Variants in HGF observed in about 807,000 individuals in gnomAD.
HGF encodes fibroblast-derived tumor cytotoxic factor.
A neutral mutation model predicts 111.6 loss-of-function variants in HGF; 39 were observed. That is an observed-to-expected ratio of 0.35 (90% confidence interval 0.27 to 0.46). HGF has a LOEUF of 0.46. Among genes scored for constraint, HGF ranks in the 20% least tolerant of loss-of-function variants. The probability of loss-of-function intolerance (pLI) is 1.00; values close to 1 mark genes in which losing one functional copy is unlikely to be tolerated. For synonymous variants in HGF, 285 were observed against 294.8 expected (o/e 0.97, Z 0.34); for missense variants, 735 against 910.5 (o/e 0.81, Z 2.48).
At position 81,701,969 on chromosome 7, in the gene HGF, G is replaced by C. The variant is rs75716542; in HGVS notation, c.*612C>G. 256 of 168,890 alleles carry C rather than the reference G, an allele frequency of 1.5e-3. 1 individual carries two copies. Among genetic ancestry groups the C allele is most frequent in the African/African-American group, 5.8e-3 (246 of 42,102 alleles). 10.5% of individuals were successfully genotyped at this position (168,890 alleles called of 1,614,324 possible). A position where few individuals can be genotyped will look rare whatever the true frequency, so the allele number is the denominator to read the frequency against. ...TAGGTACATACTTCTAAAATATTTAGGGGTTACATTAGGTACACCATAATT... is the reference window on the plus strand; with the variant it reads ...TAGGTACATACTTCTAAAATATTTACGGGTTACATTAGGTACACCATAATT... On this transcript the variant is annotated 3_prime_UTR_variant, in exon 18 of 18. Coordinates refer to ENST00000222390, the MANE Select transcript of HGF (RefSeq NM_000601.6).
At chr7:81,752,938 A>C (rs1362433747) in intron 4 of HGF, among the ~76,000 whole-genome samples, 1 of 152,102 alleles carries the variant, frequency 6.6e-6, no homozygotes, top group Non-Finnish European at 1.5e-5. Context: ...GGGATAATAG[A>C]GTAATTGACA....
At chr7:81,704,845 GT>G (rs1562870244) in intron 17 of HGF, among the ~76,000 whole-genome samples, 1 of 151,720 alleles carries the variant, frequency 6.6e-6, no homozygotes, top group Non-Finnish European at 1.5e-5. Context: ...CGAAATAACA[GT>G]TGCCTCACAA....
At chr7:81,730,570 C>T (rs764671909) in intron 7 of HGF, among the ~76,000 whole-genome samples, 4 of 152,112 alleles carry the variant, frequency 2.6e-5, no homozygotes, top group Non-Finnish European at 5.9e-5. Flanking sequence ...CTATCTCCTG[C>T]TTTTTTTCCT....
At chr7:81,730,116 A>C (rs761689113) in intron 7 of HGF, among the ~76,000 whole-genome samples, 4 of 152,212 alleles carry the variant, frequency 2.6e-5, no homozygotes, top group Non-Finnish European at 4.4e-5. Context: ...GTACATACAA[A>C]GTGGTAATGA....
Position 81,745,038 on chromosome 7 carries a change from A to T in HGF, c.708T>A (p.Asp236Glu), listed in dbSNP as rs2116043874. 6.2e-7 allele frequency: 1 copy of T among 1,614,050 alleles called. No individual in the cohort carries two copies. Among genetic ancestry groups the T allele is most frequent in the Non-Finnish European group, 8.5e-7 (1 of 1,179,972 alleles). The change falls in exon 6 of 18, where the codon GAT (aspartate) becomes GAA (glutamate). Residue 236 changes from aspartate (D) to glutamate (E), a missense_variant. Around this residue, in one of 3 missense-constraint regions of HGF, gnomAD observed 553 missense variants for 685.6 expected, o/e 0.81. Transcript: ENST00000222390. ...TESGKICQRW[D>E]HQTPHRHKFL... ...ATTTGTGCCGGTGTGGTGTCTGATG[A>T]TCCCAGCGCTGACAAATCTTGCCTG...
rs1169274767 is a variant in HGF at position 81,702,298 on chromosome 7, A to T, written c.*283T>A. ...TTTTTTTTCCCATGAAATCTTTATC[A>T]TCCAGCAAATATACCTGTGTGTTTT... On this transcript the variant is annotated 3_prime_UTR_variant, in exon 18 of 18. Transcript: ENST00000222390. 2.9e-6 allele frequency: 1 copy of T among 339,086 alleles called. No individual in the cohort carries two copies. Among genetic ancestry groups the T allele is most frequent in the Non-Finnish European group, 5.4e-6 (1 of 184,240 alleles). The allele number at this position is 339,086 out of a possible 1,614,324, so 21.0% of individuals were successfully genotyped here. A position where few individuals can be genotyped will look rare whatever the true frequency, so the allele number is the denominator to read the frequency against.
intron 13 of HGF, among the ~76,000 whole-genome samples, chr7:81,708,618 AT>A (rs1220864857): frequency 8.6e-6 from 1 of 116,710 alleles, no homozygotes; most frequent in Non-Finnish European, 1.6e-5. Flanking sequence ...TAATTTTTGT[AT>A]TTTTAGTAGA....
At chr7:81,762,181 A>G (rs1304086747) in intron 2 of HGF, among the ~76,000 whole-genome samples, 1 of 152,170 alleles carries the variant, frequency 6.6e-6, no homozygotes, top group Non-Finnish European at 1.5e-5. Context: ...ATCAATTTTC[A>G]CCTGAAACTT....
chr7:81,754,199 C>A (rs1002566893), intron 4 of HGF, among the ~76,000 whole-genome samples: 2 of 151,930 alleles, frequency 1.3e-5, no homozygotes, highest in African/African-American at 2.4e-5. Flanking sequence ...TTTATTTACT[C>A]CCTGGGTTTT....
In HGF at chr7:81,705,729, A is replaced by G; in HGVS notation, c.1782T>C (p.Val594=). The G allele has an allele frequency of 6.2e-7, 1 of 1,611,386 alleles. No individual in the cohort carries two copies. The highest frequency in any genetic ancestry group is 8.5e-7 in the Non-Finnish European group (1 of 1,177,948). ...LARPAVLDDF[V]STIDLPNYGC... ...CATAATTAGGTAAATCAATCGTACT[A>G]ACAAAATCATCCAGGACAGCAGGCC... Residue 594 remains valine (V), a synonymous_variant, in exon 16 of 18, where the codon GTT becomes GTC. Coordinates refer to ENST00000222390, the MANE Select transcript of HGF (RefSeq NM_000601.6).
intron 4 of HGF, chr7:81,756,716 A>G (rs980603753): frequency 6.1e-6 from 1 of 163,218 alleles, no homozygotes; most frequent in African/African-American, 2.4e-5. Context: ...TTCTGATTTA[A>G]TTGTTCTGTG....
intron 10 of HGF, among the ~76,000 whole-genome samples, chr7:81,720,111 C>G (rs985290826): frequency 1.3e-5 from 2 of 152,080 alleles, no homozygotes; most frequent in South Asian, 4.1e-4. Flanking sequence ...TGGGTGCTAC[C>G]TTCTCTATGA....
rs767133455 is a variant in HGF, at chr7:81,729,825, T to G, written c.866-46A>C. The G allele has an allele frequency of 1.9e-6, 3 of 1,582,760 alleles. No homozygotes were observed. In the African/African-American group the frequency reaches 4.0e-5, roughly 21 times the overall value. ...CAAAAAAAAACTTATATAAAATCTT[T>G]GAAGATGTCATTTGCCTCTTAGAGT... On this transcript the variant is annotated intron_variant, in intron 7 of 17. Coordinates refer to ENST00000222390, the MANE Select transcript of HGF (RefSeq NM_000601.6).
At position 81,733,845 on chromosome 7, in the gene HGF, A is replaced by G. The variant is rs1291991324; in HGVS notation, c.866-4066T>C. ...GATCTTTGCTGCTCACATACTTACT[A>G]TTCAAACAAAATTAATTATTCCTCG... is the stretch of plus-strand genomic sequence containing the variant. On this transcript the variant is annotated intron_variant, in intron 7 of 17. Coordinates refer to ENST00000222390, the MANE Select transcript of HGF (RefSeq NM_000601.6). 2.0e-5 allele frequency among the ~76,000 whole-genome samples: 3 copies of G among 152,122 alleles called. No homozygotes were observed. In the South Asian group the frequency reaches 6.2e-4, roughly 32 times the overall value.
In HGF at chr7:81,701,909, CT is replaced by C. The variant is rs1275497733; in HGVS notation, c.*671del. On this transcript the variant is annotated 3_prime_UTR_variant, in exon 18 of 18. Transcript: ENST00000222390. ...ATCATTTTTTAATATTTCTACTGGT[CT>C]TTAGAGATTTCTGGTTTTTTTGAGG... 6.3e-6 allele frequency: 1 copy of C among 157,756 alleles called. No homozygotes were observed. The highest frequency in any genetic ancestry group is 1.6e-4 in the East Asian group (1 of 6,110). The allele number at this position is 157,756 out of a possible 1,614,324, so 9.8% of individuals were successfully genotyped here.
intron 5 of HGF, among the ~76,000 whole-genome samples, chr7:81,750,247 T>A (rs2116094351): frequency 6.6e-6 from 1 of 152,314 alleles, no homozygotes; most frequent in East Asian, 1.9e-4. Context: ...ATTGCTTGTG[T>A]TAGCTGGAAT....
At chr7:81,712,714 A>C (rs1789604338) in intron 11 of HGF, among the ~76,000 whole-genome samples, 1 of 152,188 alleles carries the variant, frequency 6.6e-6, no homozygotes, top group South Asian at 2.1e-4. Flanking sequence ...TTAGACCCAG[A>C]TGGTTGTCAA....
At chr7:81,707,758 T>C (rs1789466733) in intron 13 of HGF, among the ~76,000 whole-genome samples, 1 of 152,166 alleles carries the variant, frequency 6.6e-6, no homozygotes, top group Non-Finnish European at 1.5e-5. Context: ...TGTTTGCTTA[T>C]TAAAAATGCA....
chr7:81,724,816 C>G (rs911794236), intron 9 of HGF, among the ~76,000 whole-genome samples: 1 of 152,150 alleles, frequency 6.6e-6, no homozygotes, highest in Non-Finnish European at 1.5e-5. Context: ...ACATTCCCAA[C>G]AGGGGGATAT....
Sources: gnomAD v4.1 joint callset for allele counts (sites outside exome capture counted in the v4.1 genomes callset) on GRCh38, gnomAD v4.1.1 for gene constraint, gnomAD v4.1.1 regional missense constraint, MANE v1.5 for transcripts, NCBI Gene and HGNC (gene_info 2026-07-23, HGNC 2026-07-21) for gene names.